The following HAVCR1 variants were observed in gnomAD, a reference collection of about 807,000 sequenced individuals.
HAVCR1 encodes the protein hepatitis A virus cellular receptor 1.
HAVCR1 carries 34 observed loss-of-function variants against 32.0 expected under a neutral mutation model. That is an observed-to-expected ratio of 1.06 (90% confidence interval 0.81 to 1.42). The LOEUF (loss-of-function observed/expected upper bound fraction) is 1.42, where lower values mean the gene tolerates loss of function less well. Ranked by LOEUF, HAVCR1 falls within the 40% of genes most tolerant of loss-of-function variation. HAVCR1 has a pLI of 0.00. For synonymous variants in HAVCR1, 178 were observed against 170.3 expected, an observed-to-expected ratio of 1.05 and a Z score of -0.35; for missense variants, 420 against 442.3, an observed-to-expected ratio of 0.95 and a Z score of 0.45.
intron 7 of HAVCR1, among the ~76,000 whole-genome samples, chr5:157,035,200 G>T (rs2113492998): frequency 6.6e-6 from 1 of 151,740 alleles, no homozygotes; most frequent in Non-Finnish European, 1.5e-5. Flanking sequence ...GCGTACTCAA[G>T]TATCAAAATT....
At position 157,052,666 on chromosome 5, in the gene HAVCR1, A is replaced by G; in HGVS notation, c.380-12T>C. On this transcript the variant is annotated splice_polypyrimidine_tract_variant and intron_variant, in intron 3 of 8. Transcript: ENST00000523175. ...AGTCGTGACCTTGGCTGGAGTCAGA[A>G]ATCAACATGAGAGTGAGCATAAGTC... 6.2e-7 allele frequency: 1 copy of G among 1,610,760 alleles called. No homozygotes were observed. Among genetic ancestry groups the G allele is most frequent in the South Asian group, 1.1e-5 (1 of 90,908 alleles).
intron 5 of HAVCR1, among the ~76,000 whole-genome samples, chr5:157,044,161 A>G (rs761797858): frequency 1.3e-5 from 2 of 151,804 alleles, no homozygotes; most frequent in Non-Finnish European, 1.5e-5. Context: ...GTGAAACCCC[A>G]TCTCTACTAA....
the HAVCR1 span, among the ~76,000 whole-genome samples, chr5:157,068,289 A>T: frequency 6.7e-6 from 1 of 149,576 alleles, no homozygotes; most frequent in African/African-American, 2.5e-5. Flanking sequence ...GCAAAACAAA[A>T]AGTCAGCAGC....
chr5:157,043,009 A>G (rs895467464), intron 5 of HAVCR1, among the ~76,000 whole-genome samples: 2 of 152,246 alleles, frequency 1.3e-5, no homozygotes, highest in Non-Finnish European at 2.9e-5. Context: ...AACCAGGTTA[A>G]GAATGCCATT....
rs573730988 is a variant in HAVCR1, at chr5:157,031,947, AACTGGAGGC to A, written c.986+898_986+906del. ...GCAGGGAATGATGGAAGCTGTGGAA[AACTGGAGGC>A]ACTTGCCCTACCTCAGTGCCTTTGC... On this transcript the variant is annotated intron_variant, in intron 8 of 8. Coordinates refer to ENST00000523175, the MANE Select transcript of HAVCR1 (RefSeq NM_001173393.3). Among the ~76,000 whole-genome samples, 19 of 152,230 alleles carry A rather than the reference AACTGGAGGC, an allele frequency of 1.2e-4. No individual in the cohort carries two copies. In the South Asian group the frequency reaches 3.7e-3, roughly 30 times the overall value.
chr5:157,047,393 A>T (rs1490380943), intron 5 of HAVCR1, among the ~76,000 whole-genome samples: 2 of 152,044 alleles, frequency 1.3e-5, no homozygotes, highest in Non-Finnish European at 2.9e-5. Context: ...CTCTACTAAA[A>T]ATACAAAATT....
chr5:157,057,782 C>T, intron 2 of HAVCR1, 116 bp downstream of exon 2: 2 of 774,862 alleles, frequency 2.6e-6, no homozygotes, highest in African/African-American at 1.7e-5. Context: ...CAACGGTACC[C>T]AAAGAACATC....
Position 157,049,029 on chromosome 5 carries a change from C to T in HAVCR1, c.781+9G>A, listed in dbSNP as rs759786421. 1.4e-5 allele frequency: 20 copies of T among 1,463,504 alleles called. No homozygotes were observed. The highest frequency in any genetic ancestry group is 1.1e-5 in the South Asian group (1 of 88,074). The allele number at this position is 1,463,504 out of a possible 1,614,324, so 90.7% of individuals were successfully genotyped here. A position where few individuals can be genotyped will look rare whatever the true frequency, so the allele number is the denominator to read the frequency against. On this transcript the variant is annotated intron_variant, in intron 5 of 8. Transcript: ENST00000523175. Reference sequence around the variant, plus strand: ...GATCCCAGGTCTTCAGGAAAGAGAACGCAGTTACCTGTTGTGTAAGAGTAC... The same window carrying T: ...GATCCCAGGTCTTCAGGAAAGAGAATGCAGTTACCTGTTGTGTAAGAGTAC...
chr5:157,034,236 G>T (rs913987023), intron 7 of HAVCR1, among the ~76,000 whole-genome samples: 53 of 152,144 alleles, frequency 3.5e-4, no homozygotes, highest in African/African-American at 1.1e-3. Flanking sequence ...ATAGGGTAAT[G>T]GTGGGGAGAG....
the HAVCR1 span, among the ~76,000 whole-genome samples, chr5:157,066,071 A>G: frequency 6.7e-6 from 1 of 150,182 alleles, no homozygotes; most frequent in South Asian, 2.1e-4. Flanking sequence ...AAAAAAAAAA[A>G]AAAAATGCTG....
chr5:157,044,674 A>AAAGAAAGAAAGGAAGG (rs1755255512), intron 5 of HAVCR1, among the ~76,000 whole-genome samples: 1 of 81,478 alleles, frequency 1.2e-5, no homozygotes, highest in Non-Finnish European at 2.8e-5. Context: ...AGAAAGAAAG[A>AAAGAAAGAAAGGAAGG]AAGGAGGGAG....
At chr5:157,066,055 T>TA in the HAVCR1 span, among the ~76,000 whole-genome samples, 2,429 of 66,854 alleles carry the variant, frequency 0.036, 172 homozygotes, top group East Asian at 0.17. Flanking sequence ...GACTCCGTCT[T>TA]AAAAAAAAAA....
chr5:157,065,055 C>G, the HAVCR1 span, among the ~76,000 whole-genome samples: 2 of 152,032 alleles, frequency 1.3e-5, no homozygotes, highest in Admixed American at 1.3e-4. Flanking sequence ...TGGCTGGGTG[C>G]GGTGGCTCAC....
At chr5:157,057,996 C>A in intron 1 of HAVCR1, 41 bp from the exon 2 acceptor site, 1 of 1,347,922 alleles carries the variant, frequency 7.4e-7, no homozygotes, top group East Asian at 2.3e-5. Flanking sequence ...GTACCCTCCA[C>A]CAGATGGTAT....
At chr5:157,034,803 A>T (rs979573828) in intron 7 of HAVCR1, among the ~76,000 whole-genome samples, 1 of 131,638 alleles carries the variant, frequency 7.6e-6, no homozygotes, top group Non-Finnish European at 1.7e-5. Context: ...CACAGCCCTA[A>T]TCCATTAAAC....
chr5:157,039,590 C>G (rs1754745685), intron 6 of HAVCR1, among the ~76,000 whole-genome samples: 1 of 152,100 alleles, frequency 6.6e-6, no homozygotes, highest in Non-Finnish European at 1.5e-5. Flanking sequence ...CTCAGGTGAT[C>G]CACCTGCCTC....
At chr5:157,058,215 A>C (rs978076109) in intron 1 of HAVCR1, 1 of 410,706 alleles carries the variant, frequency 2.4e-6, no homozygotes, top group African/African-American at 2.0e-5. Context: ...TCTTCCCCAC[A>C]CATAACCGCC....
intron 5 of HAVCR1, among the ~76,000 whole-genome samples, chr5:157,043,816 C>T (rs969258027): frequency 3.3e-5 from 5 of 152,150 alleles, no homozygotes; most frequent in African/African-American, 7.2e-5. Context: ...TAAAGAAATA[C>T]ACAGGAAATG....
In HAVCR1 at chr5:157,044,421, G is replaced by GAGAA. The variant is rs1209423817; in HGVS notation, c.782-1743_782-1740dup. On this transcript the variant is annotated intron_variant, in intron 5 of 8. Transcript: ENST00000523175. ...GGAAGGAAGGAAGGAAGGAAGGAAG[G>GAGAA]AGAAAGAAAGAAAGAAAGAAAGAAA... Among the ~76,000 whole-genome samples, 58 of 33,734 alleles carry GAGAA rather than the reference G, an allele frequency of 1.7e-3. 1 individual carries two copies. Among genetic ancestry groups the GAGAA allele is most frequent in the African/African-American group, 2.1e-3 (11 of 5,212 alleles). 22.1% of individuals were successfully genotyped at this position (33,734 alleles called of 152,430 possible).
Sources: allele counts gnomAD v4.1 joint callset (sites outside exome capture counted in the v4.1 genomes callset), GRCh38; gene constraint gnomAD v4.1.1; transcripts MANE v1.5; gene names NCBI Gene and HGNC (gene_info 2026-07-23, HGNC 2026-07-21).